The following ENKUR variants were observed in gnomAD, a reference collection of about 807,000 sequenced individuals.
The protein encoded by ENKUR is enkurin.
In ENKUR, 19 loss-of-function variants were observed where a neutral mutation model predicts 27.6. That is an observed-to-expected ratio of 0.69 (90% CI 0.48 to 1.01). The LOEUF (loss-of-function observed/expected upper bound fraction) is 1.01, where lower values mean the gene tolerates loss of function less well. Among genes scored for constraint, ENKUR ranks in the 50% least tolerant of loss-of-function variants. The pLI is 0.00. For missense variants in ENKUR, 312 were observed against 310.5 expected (o/e 1.00, Z -0.04); for synonymous variants, 117 against 96.9 (o/e 1.21, Z -1.22).
At chr10:24,988,285 T>C (rs1251240236) in intron 4 of ENKUR, among the ~76,000 whole-genome samples, 1 of 145,686 alleles carries the variant, frequency 6.9e-6, no homozygotes, top group Non-Finnish European at 1.5e-5. Flanking sequence ...TGTGTATATA[T>C]ATTTATATAT....
At chr10:25,012,835 AT>A (rs1350331053) in intron 1 of ENKUR, among the ~76,000 whole-genome samples, 2 of 152,120 alleles carry the variant, frequency 1.3e-5, no homozygotes, top group African/African-American at 4.8e-5. Context: ...GGAAGGTATG[AT>A]TGGTTTTGAA....
intron 1 of ENKUR, among the ~76,000 whole-genome samples, chr10:25,003,358 C>T (rs1047814963): frequency 6.6e-5 from 10 of 152,156 alleles, no homozygotes; most frequent in East Asian, 3.9e-4. Context: ...AGGCATGCAC[C>T]GCCATGCCTG....
At chr10:25,051,857 C>A (rs183467282) in intron 2 of ENKUR, among the ~76,000 whole-genome samples, 9 of 152,334 alleles carry the variant, frequency 5.9e-5, no homozygotes, top group Admixed American at 2.6e-4. Flanking sequence ...ATTGTCCCTA[C>A]TAGGTCGTCA....
At chr10:25,041,458 A>G (rs1373567363) in intron 2 of ENKUR, among the ~76,000 whole-genome samples, 2 of 152,132 alleles carry the variant, frequency 1.3e-5, no homozygotes, top group Non-Finnish European at 2.9e-5. Context: ...GCTTTTGGCC[A>G]ATATGTCTTC....
chr10:25,033,813 G>GTA (rs932287461), intron 2 of ENKUR, among the ~76,000 whole-genome samples: 8 of 143,488 alleles, frequency 5.6e-5, no homozygotes, highest in Middle Eastern at 3.3e-3. Context: ...ATGTATGTAT[G>GTA]TGTGTGTGTG....
At chr10:25,051,466 T>A (rs2130486663) in intron 2 of ENKUR, among the ~76,000 whole-genome samples, 1 of 152,224 alleles carries the variant, frequency 6.6e-6, no homozygotes, top group East Asian at 1.9e-4. Flanking sequence ...TCTGCTCAGC[T>A]TGTGGGAAGG....
intron 1 of ENKUR, among the ~76,000 whole-genome samples, chr10:25,001,694 T>C (rs927135430): frequency 2.0e-5 from 3 of 152,192 alleles, no homozygotes; most frequent in Admixed American, 6.5e-5. Context: ...TGGTATTCTT[T>C]ATGGTTAGAA....
intron 1 of ENKUR, among the ~76,000 whole-genome samples, chr10:25,010,609 A>C (rs1850421075): frequency 6.9e-6 from 1 of 145,672 alleles, no homozygotes. Flanking sequence ...CCCACCCCAC[A>C]ACAGTCCCCA....
At chr10:25,028,820 C>G (rs1460532857) in intron 2 of ENKUR, among the ~76,000 whole-genome samples, 1 of 152,158 alleles carries the variant, frequency 6.6e-6, no homozygotes, top group African/African-American at 2.4e-5. Context: ...TGATTAGATT[C>G]GCTTTCTTCC....
chr10:24,983,355 G>C lies in ENKUR; in HGVS notation c.*1015C>G, dbSNP rs1256487094. On this transcript the variant is annotated 3_prime_UTR_variant, in exon 6 of 6. Transcript: ENST00000331161. ...GCATCCTACCCACTCTGTAAGTCTG[G>C]GTCCCTGAGTGACTGCAGAAAAGGG... 2.0e-5 allele frequency: 3 copies of C among 152,112 alleles called. No individual in the cohort carries two copies. Among genetic ancestry groups the C allele is most frequent in the African/African-American group, 7.2e-5 (3 of 41,408 alleles). The allele number at this position is 152,112 out of a possible 1,614,324, so 9.4% of individuals were successfully genotyped here.
At chr10:25,017,283 A>T (rs1226082502), upstream of ENKUR, among the ~76,000 whole-genome samples, 5 of 152,204 alleles carry the variant, frequency 3.3e-5, no homozygotes, top group African/African-American at 1.2e-4. Flanking sequence ...GTCACCCGTA[A>T]ATCTATGCAC....
rs1025185179 is a variant in ENKUR, at chr10:24,982,270, G to C, written c.*2100C>G. 4 of 152,258 alleles carry C rather than the reference G, an allele frequency of 2.6e-5. No individual in the cohort carries two copies. The highest frequency in any genetic ancestry group is 5.9e-5 in the Non-Finnish European group (4 of 68,088). 9.4% of individuals were successfully genotyped at this position (152,258 alleles called of 1,614,324 possible). A position where few individuals can be genotyped will look rare whatever the true frequency, so the allele number is the denominator to read the frequency against. ...TTTGCCAGGCAGCTATGTAGGATGA[G>C]AGAAAGAAAAGGGCAGTTTTCTGGG... On this transcript the variant is annotated 3_prime_UTR_variant, in exon 6 of 6. Transcript: ENST00000331161.
rs535908357 is a variant in ENKUR, at chr10:24,984,804, T to C, written c.696A>G (p.Glu232=). The C allele has an allele frequency of 3.7e-6, 6 of 1,613,984 alleles. No individual in the cohort carries two copies. In the South Asian group the frequency reaches 4.4e-5, roughly 12 times the overall value. ...TGTCGTGTTCTAGTTGTTTCATTTC[T>C]TCTTCCAGCCTCTGCTTGCGGATCT... is the stretch of plus-strand genomic sequence containing the variant. ...PKKIRKQRLE[E]EMKQLEHDIG... The change falls in exon 5 of 6, where the codon GAA becomes GAG. Residue 232 remains glutamate, a synonymous_variant. Coordinates refer to ENST00000331161, the MANE Select transcript of ENKUR (RefSeq NM_145010.4).
chr10:25,037,098 A>G (rs554303459), intron 2 of ENKUR, among the ~76,000 whole-genome samples: 1 of 152,356 alleles, frequency 6.6e-6, no homozygotes, highest in East Asian at 1.9e-4. Context: ...CCTGGAACAA[A>G]GAGTGCCTGT....
At chr10:25,025,756 A>C in intron 2 of ENKUR, 1 of 277,474 alleles carries the variant, frequency 3.6e-6, no homozygotes. Flanking sequence ...GTGGACCAAA[A>C]TGTCTGGTAT....
chr10:24,991,565 G>A (rs1378913669), intron 3 of ENKUR, among the ~76,000 whole-genome samples: 3 of 152,112 alleles, frequency 2.0e-5, no homozygotes, highest in East Asian at 1.9e-4. Flanking sequence ...GTGGAACAAC[G>A]CAGAGTTTGG....
chr10:25,023,871 G>A (rs937960831), intron 2 of ENKUR: 15 of 1,614,068 alleles, frequency 9.3e-6, no homozygotes, highest in Admixed American at 1.7e-5. Context: ...CTGACAAAGT[G>A]CTGAATGCAA....
chr10:24,988,660 A>ATATGTG (rs1849847405), intron 4 of ENKUR, among the ~76,000 whole-genome samples: 3 of 57,030 alleles, frequency 5.3e-5, no homozygotes, highest in African/African-American at 2.3e-4. Flanking sequence ...GTGACACAGC[A>ATATGTG]TATGTATATA....
At chr10:24,990,929 G>A (rs558993978) in intron 3 of ENKUR, among the ~76,000 whole-genome samples, 9 of 152,196 alleles carry the variant, frequency 5.9e-5, no homozygotes, top group South Asian at 4.2e-4. Context: ...GTGAAACCCC[G>A]TCTCTACTAA....
Sources: allele counts gnomAD v4.1 joint callset (sites outside exome capture counted in the v4.1 genomes callset), GRCh38; gene constraint gnomAD v4.1.1; transcripts MANE v1.5; gene names NCBI Gene and HGNC (gene_info 2026-07-23, HGNC 2026-07-21).